Variants in KLF12 observed in about 807,000 individuals in gnomAD.
KLF12 encodes Krueppel-like factor 12.
Under a neutral mutation model 37.8 loss-of-function variants are expected in KLF12, and 9 were observed. The ratio of observed to expected loss-of-function variants is 0.24; its 90% confidence interval spans 0.14 to 0.42. KLF12 has a LOEUF of 0.42. Among genes scored for constraint, KLF12 ranks in the 10% least tolerant of loss-of-function variants. KLF12 has a pLI of 1.00. For missense variants in KLF12, 411 were observed against 516.0 expected (o/e 0.80, Z 1.97); for synonymous variants, 208 against 202.1 (o/e 1.03, Z -0.25).
chr13:74,034,054 T>G (rs2138500433), intron 1 of KLF12, among the ~76,000 whole-genome samples: 1 of 152,128 alleles, frequency 6.6e-6, no homozygotes, highest in East Asian at 1.9e-4. Flanking sequence ...CATTCACTTT[T>G]TTTGTTTTGT....
At chr13:74,103,475 G>A (rs1008586088) in intron 1 of KLF12, among the ~76,000 whole-genome samples, 2 of 152,154 alleles carry the variant, frequency 1.3e-5, no homozygotes, top group African/African-American at 2.4e-5. Context: ...ACAGCAGAGC[G>A]GGTCACAGGA....
At chr13:73,795,527 G>A (rs187352987) in intron 5 of KLF12, among the ~76,000 whole-genome samples, 70 of 152,280 alleles carry the variant, frequency 4.6e-4, no homozygotes, top group Admixed American at 1.0e-3. Flanking sequence ...CAATGCAAAC[G>A]CATTCACTGG....
the KLF12 span, among the ~76,000 whole-genome samples, chr13:74,275,838 C>CTT: frequency 8.8e-6 from 1 of 114,058 alleles, no homozygotes; most frequent in South Asian, 2.9e-4. Flanking sequence ...TTCTTTCTTT[C>CTT]TTTCTTTCTT....
chr13:73,889,548 A>C (rs1002151208), intron 3 of KLF12, among the ~76,000 whole-genome samples: 2 of 152,178 alleles, frequency 1.3e-5, no homozygotes, highest in East Asian at 1.9e-4. Context: ...CTTTTTCTCA[A>C]TTACCAAGTA....
intron 3 of KLF12, among the ~76,000 whole-genome samples, chr13:73,931,814 C>T (rs1566467255): frequency 6.9e-6 from 1 of 145,864 alleles, no homozygotes; most frequent in Non-Finnish European, 1.5e-5. Flanking sequence ...AAATATTTTG[C>T]TTTTTTTTTT....
At chr13:73,745,426 G>C (rs1359457738) in intron 6 of KLF12, among the ~76,000 whole-genome samples, 2 of 152,034 alleles carry the variant, frequency 1.3e-5, no homozygotes, top group African/African-American at 4.8e-5. Context: ...CCTAGGATGA[G>C]GACTGAAGGG....
At position 73,783,186 on chromosome 13, in the gene KLF12, G is replaced by T. The variant is rs555288839; in HGVS notation, c.807-18186C>A. On this transcript the variant is annotated intron_variant, in intron 5 of 7. Transcript: ENST00000377669. Reference sequence around the variant, plus strand: ...TCCTGTCATTTGCAGCAACATGCATGGAACTGAGGTCATTATGTTCAGTGA... The same window carrying T: ...TCCTGTCATTTGCAGCAACATGCATTGAACTGAGGTCATTATGTTCAGTGA... Among the ~76,000 whole-genome samples, 5 of 151,832 alleles carry T rather than the reference G, an allele frequency of 3.3e-5. No individual in the cohort carries two copies. In the South Asian group the frequency reaches 8.4e-4, roughly 26 times the overall value.
chr13:73,839,301 C>T (rs1884617197), intron 4 of KLF12, among the ~76,000 whole-genome samples: 1 of 149,478 alleles, frequency 6.7e-6, no homozygotes. Flanking sequence ...CAAGGTTTCA[C>T]CATGTTTCCC....
the KLF12 span, among the ~76,000 whole-genome samples, chr13:74,218,440 G>A: frequency 1.1e-4 from 17 of 152,296 alleles, no homozygotes; most frequent in African/African-American, 4.1e-4. Flanking sequence ...AAGAGAGTAA[G>A]ATATGAGTCA....
rs1427910552 is a variant in KLF12 at position 73,944,027 on chromosome 13, A to T, written c.77T>A (p.Met26Lys). The change falls in exon 3 of 8, where the codon ATG becomes AAG. Residue 26 changes from methionine (M) to lysine (K), a missense_variant. Met to Lys is a moderately conservative substitution (Grantham distance 95, BLOSUM62 -1). Transcript: ENST00000377669. ...CTCTGTTTTGACTCTGACTGCCGGC[A>T]TCCCATCAAGCATTAACATTCTGTT... 1.1e-5 allele frequency: 17 copies of T among 1,613,070 alleles called. No individual in the cohort carries two copies. Among genetic ancestry groups the T allele is most frequent in the Non-Finnish European group, 1.4e-5 (16 of 1,179,548 alleles).
intron 6 of KLF12, among the ~76,000 whole-genome samples, chr13:73,746,981 A>T (rs1179887553): frequency 6.6e-6 from 1 of 151,548 alleles, no homozygotes; most frequent in Non-Finnish European, 1.5e-5. Context: ...CACCTGGCTA[A>T]TTTTTTTGTA....
chr13:74,305,733 A>G, the KLF12 span, among the ~76,000 whole-genome samples: 3 of 152,118 alleles, frequency 2.0e-5, no homozygotes, highest in Non-Finnish European at 4.4e-5. Context: ...CAAATAAAAC[A>G]TAACACTATT....
intron 1 of KLF12, among the ~76,000 whole-genome samples, chr13:74,015,624 C>T (rs1892668988): frequency 6.6e-6 from 1 of 152,164 alleles, no homozygotes; most frequent in South Asian, 2.1e-4. Context: ...TACACCCTCT[C>T]TTTCCACAGG....
intron 1 of KLF12, among the ~76,000 whole-genome samples, chr13:74,067,718 T>C (rs1019759391): frequency 6.6e-6 from 1 of 152,174 alleles, no homozygotes; most frequent in African/African-American, 2.4e-5. Context: ...AAATTACATT[T>C]TGCCATGGTG....
At chr13:73,733,947 T>C (rs905286249) in intron 6 of KLF12, among the ~76,000 whole-genome samples, 2 of 152,190 alleles carry the variant, frequency 1.3e-5, no homozygotes, top group Non-Finnish European at 2.9e-5. Context: ...AGAACAAAGC[T>C]TAAAGTCTTT....
At chr13:74,099,981 G>A (rs1353331137) in intron 1 of KLF12, among the ~76,000 whole-genome samples, 1 of 152,058 alleles carries the variant, frequency 6.6e-6, no homozygotes. Flanking sequence ...GAGTGCTGAT[G>A]GGAAAGAAGG....
intron 5 of KLF12, among the ~76,000 whole-genome samples, chr13:73,783,187 G>C (rs188802564): frequency 1.3e-5 from 2 of 152,274 alleles, no homozygotes; most frequent in East Asian, 3.9e-4. Context: ...AACATGCATG[G>C]AACTGAGGTC....
At chr13:74,288,915 T>C in the KLF12 span, among the ~76,000 whole-genome samples, 5,635 of 152,294 alleles carry the variant, frequency 0.037, 228 homozygotes, top group African/African-American at 0.095. Context: ...GGCACTCCTC[T>C]GCATTCAAGC....
At chr13:73,782,133 C>T (rs1390165055) in intron 5 of KLF12, among the ~76,000 whole-genome samples, 1 of 152,098 alleles carries the variant, frequency 6.6e-6, no homozygotes. Flanking sequence ...ACCAGACTGC[C>T]GGGGTTCAAA....
Sources: gnomAD v4.1 joint callset for allele counts (sites outside exome capture counted in the v4.1 genomes callset) on GRCh38, gnomAD v4.1.1 for gene constraint, MANE v1.5 for transcripts, NCBI Gene and HGNC (gene_info 2026-07-23, HGNC 2026-07-21) for gene names.